The following ZYG11B variants were observed in gnomAD, a reference collection of about 807,000 sequenced individuals.
The protein encoded by ZYG11B is zyg-11 family member B, cell cycle regulator.
ZYG11B carries 36 observed loss-of-function variants against 82.4 expected under a neutral mutation model. The ratio of observed to expected loss-of-function variants is 0.44; its 90% confidence interval spans 0.33 to 0.58. The LOEUF (loss-of-function observed/expected upper bound fraction) is 0.58. ZYG11B is among the 20% of genes least tolerant of loss of function. ZYG11B has a pLI of 0.02. For missense variants in ZYG11B, 552 were observed against 895.6 expected, an observed-to-expected ratio of 0.62 and a Z score of 4.90; for synonymous variants, 303 against 312.8, an observed-to-expected ratio of 0.97 and a Z score of 0.33.
At chr1:52,758,397 T>C (rs1275619921) in intron 2 of ZYG11B, among the ~76,000 whole-genome samples, 2 of 152,122 alleles carry the variant, frequency 1.3e-5, no homozygotes, top group African/African-American at 2.4e-5. Context: ...ATAAGGTAGC[T>C]CTATTATCAT....
At chr1:52,777,165 G>A (rs1175566740) in intron 3 of ZYG11B, among the ~76,000 whole-genome samples, 5 of 151,996 alleles carry the variant, frequency 3.3e-5, no homozygotes, top group South Asian at 2.1e-4. Flanking sequence ...AGCCGAGATC[G>A]TGCCACTGCA....
intron 1 of ZYG11B, among the ~76,000 whole-genome samples, chr1:52,737,190 T>G (rs1440182738): frequency 6.6e-6 from 1 of 152,158 alleles, no homozygotes; most frequent in African/African-American, 2.4e-5. Flanking sequence ...TACTACTTCT[T>G]AATTATTAAA....
intron 4 of ZYG11B, among the ~76,000 whole-genome samples, chr1:52,781,823 C>T (rs4926932): frequency 0.59 from 90,161 of 152,038 alleles, 29,473 homozygotes; most frequent in East Asian, 0.97. Flanking sequence ...GAGAATGAGG[C>T]GCTTGGGTAG....
chr1:52,748,398 A>G (rs1644493409), intron 1 of ZYG11B, among the ~76,000 whole-genome samples: 1 of 152,252 alleles, frequency 6.6e-6, no homozygotes, highest in Non-Finnish European at 1.5e-5. Flanking sequence ...TGTTTATTGA[A>G]GATTGAAAAT....
chr1:52,809,396 A>G (rs1645165956), intron 10 of ZYG11B, among the ~76,000 whole-genome samples: 1 of 152,038 alleles, frequency 6.6e-6, no homozygotes, highest in African/African-American at 2.4e-5. Flanking sequence ...TAACTCCTTA[A>G]CTACTTCATG....
rs754388776 is a variant in ZYG11B, at chr1:52,790,098, GC to G, written c.1334+32del. ...TGATAGCTCTAGAACTTAAAGTGGGGCAAAACAGAATGTTAGAAATCTGTCT... is the reference window on the plus strand; with the variant it reads ...TGATAGCTCTAGAACTTAAAGTGGGGAAAACAGAATGTTAGAAATCTGTCT... On this transcript the variant is annotated intron_variant, in intron 6 of 13. Transcript: ENST00000294353. 3 of 1,486,236 alleles carry G rather than the reference GC, an allele frequency of 2.0e-6. No individual in the cohort carries two copies. The African/African-American group carries it at 4.1e-5, about 21-fold the overall frequency. 92.1% of individuals were successfully genotyped at this position (1,486,236 alleles called of 1,614,324 possible).
intron 6 of ZYG11B, among the ~76,000 whole-genome samples, chr1:52,792,859 A>G: frequency 6.6e-6 from 1 of 152,128 alleles, no homozygotes. Context: ...TTATTTATTG[A>G]GACAGAGTTT....
intron 3 of ZYG11B, among the ~76,000 whole-genome samples, chr1:52,775,429 A>G (rs527283122): frequency 3.4e-4 from 52 of 151,824 alleles, no homozygotes; most frequent in African/African-American, 1.2e-3. Flanking sequence ...CCCATCTGAC[A>G]CCTGTAATCC....
intron 1 of ZYG11B, among the ~76,000 whole-genome samples, chr1:52,727,904 T>A (rs7548832): frequency 0.59 from 90,126 of 152,050 alleles, 27,861 homozygotes; most frequent in East Asian, 0.97. Flanking sequence ...GTCCTGATAA[T>A]TATGTTCCCC....
chr1:52,729,647 C>G (rs1181206437), intron 1 of ZYG11B, among the ~76,000 whole-genome samples: 1 of 152,200 alleles, frequency 6.6e-6, no homozygotes, highest in Non-Finnish European at 1.5e-5. Flanking sequence ...CGAGACCAGC[C>G]TGGCCAACAT....
At chr1:52,784,777 G>A in intron 4 of ZYG11B, 100 bp from the exon 5 acceptor site, 1 of 1,310,592 alleles carries the variant, frequency 7.6e-7, no homozygotes, top group South Asian at 1.3e-5. Flanking sequence ...AGAAAATTAT[G>A]ACATCTTTGA....
chr1:52,803,279 CAT>C lies in ZYG11B; in HGVS notation c.1695+1158_1695+1159del, dbSNP rs1553262863. Among the ~76,000 whole-genome samples the C allele has an allele frequency of 4.2e-3, 283 of 68,066 alleles. 17 individuals carry two copies. Among genetic ancestry groups the C allele is most frequent in the Non-Finnish European group, 5.5e-3 (195 of 35,280 alleles). 44.7% of individuals were successfully genotyped at this position (68,066 alleles called of 152,430 possible). ...ATATATATATATACACACACACACA[CAT>C]ATATATATATATATATACACATATA... On this transcript the variant is annotated intron_variant, in intron 10 of 13. Transcript: ENST00000294353.
intron 1 of ZYG11B, among the ~76,000 whole-genome samples, chr1:52,738,801 TAG>T (rs1376378584): frequency 6.6e-6 from 1 of 151,478 alleles, no homozygotes; most frequent in Non-Finnish European, 1.5e-5. Context: ...GTATTTTTAG[TAG>T]AGACGGGGTT....
chr1:52,768,373 C>A (rs1409924794), intron 2 of ZYG11B, among the ~76,000 whole-genome samples: 1 of 152,142 alleles, frequency 6.6e-6, no homozygotes, highest in Non-Finnish European at 1.5e-5. Context: ...CTTCACCTTT[C>A]AGAGTGATCT....
intron 10 of ZYG11B, among the ~76,000 whole-genome samples, chr1:52,811,051 A>AAAAGAG (rs1553263650): frequency 1.4e-5 from 2 of 142,904 alleles, no homozygotes; most frequent in African/African-American, 2.6e-5. Context: ...AAAAAAAAAA[A>AAAAGAG]AGAGAAATTT....
intron 1 of ZYG11B, among the ~76,000 whole-genome samples, chr1:52,733,582 G>A (rs1342181419): frequency 6.6e-6 from 1 of 152,068 alleles, no homozygotes; most frequent in African/African-American, 2.4e-5. Context: ...GATTGCTTGA[G>A]CCTAGGAGGT....
intron 6 of ZYG11B, 59 bp from the exon 7 acceptor site, chr1:52,796,233 C>A: frequency 7.5e-7 from 1 of 1,333,902 alleles, no homozygotes; most frequent in Non-Finnish European, 1.1e-6. Flanking sequence ...CTAGCTGGAA[C>A]TCTGAAATTG....
At position 52,825,210 on chromosome 1, in the gene ZYG11B, C is replaced by A. The variant is rs1386699546; in HGVS notation, c.*3581C>A. The A allele has an allele frequency of 6.6e-6, 1 of 152,098 alleles. No homozygotes were observed. The highest frequency in any genetic ancestry group is 1.5e-5 in the Non-Finnish European group (1 of 68,018). The allele number at this position is 152,098 out of a possible 1,614,324, so 9.4% of individuals were successfully genotyped here. On this transcript the variant is annotated 3_prime_UTR_variant, in exon 14 of 14. Transcript: ENST00000294353. ...AGTAATTATTGCTGTGGTCTTTCTA[C>A]TCCACAAAATAATTTTTTCTTTTTG...
chr1:52,779,737 A>G lies in ZYG11B; in HGVS notation c.952-116A>G, dbSNP rs897217247. ...ACTCCTGACTTCACATGATCCACCC[A>G]CCTTGGCCTCCCAAAGTACTGGGAT... On this transcript the variant is annotated intron_variant, in intron 3 of 13. Transcript: ENST00000294353. 7.6e-5 allele frequency: 97 copies of G among 1,282,840 alleles called. No individual in the cohort carries two copies. The African/African-American group carries it at 1.4e-3, about 18-fold the overall frequency. 79.5% of individuals were successfully genotyped at this position (1,282,840 alleles called of 1,614,324 possible).
Sources: allele counts gnomAD v4.1 joint callset (sites outside exome capture counted in the v4.1 genomes callset), GRCh38; gene constraint gnomAD v4.1.1; transcripts MANE v1.5; gene names NCBI Gene and HGNC (gene_info 2026-07-23, HGNC 2026-07-21).